Variants in C10orf143 observed in about 807,000 individuals in gnomAD.
The protein encoded by C10orf143 is uncharacterized protein C10orf143.
chr10:130,100,331 AC>A (rs1298555556), intron 1 of C10orf143, among the ~76,000 whole-genome samples: 2 of 151,650 alleles, frequency 1.3e-5, no homozygotes, highest in Non-Finnish European at 2.9e-5. Context: ...GGTGTTCAAG[AC>A]CAGCCTGGCC....
chr10:130,070,973 T>TG (rs1861023265), intron 3 of C10orf143, among the ~76,000 whole-genome samples: 1 of 152,216 alleles, frequency 6.6e-6, no homozygotes, highest in African/African-American at 2.4e-5. Context: ...TGGAGTGCAG[T>TG]GGTGGGATCT....
intron 3 of C10orf143, among the ~76,000 whole-genome samples, chr10:130,055,209 G>A (rs539300325): frequency 1.3e-5 from 2 of 152,268 alleles, no homozygotes; most frequent in South Asian, 4.1e-4. Context: ...TTGATTTCAT[G>A]GATATTACCC....
At chr10:130,094,519 T>C (rs1861433378) in intron 1 of C10orf143, among the ~76,000 whole-genome samples, 1 of 152,184 alleles carries the variant, frequency 6.6e-6, no homozygotes, top group Admixed American at 6.5e-5. Flanking sequence ...ATCAAAAAGC[T>C]TATCCACCAC....
In C10orf143 at chr10:130,083,167, A is replaced by T. The variant is rs142176685; in HGVS notation, c.70-3266T>A. Among the ~76,000 whole-genome samples the T allele has an allele frequency of 2.5e-3, 375 of 152,326 alleles. 7 individuals carry two copies. The highest frequency in any genetic ancestry group is 3.6e-3 in the Non-Finnish European group (244 of 68,030). ...AAAGCTATTAAAATGGTCCTCAAAC[A>T]TGAAAAAAAGTGTTCAAATGCACTC... On this transcript the variant is annotated intron_variant, in intron 1 of 3. Transcript: ENST00000637128.
At chr10:130,087,307 G>A (rs933038050) in intron 1 of C10orf143, among the ~76,000 whole-genome samples, 2 of 152,190 alleles carry the variant, frequency 1.3e-5, no homozygotes, top group African/African-American at 2.4e-5. Context: ...GGCAGATGAA[G>A]GCTTATGCCA....
intron 1 of C10orf143, among the ~76,000 whole-genome samples, chr10:130,109,016 C>A (rs1207790079): frequency 6.6e-6 from 1 of 152,196 alleles, no homozygotes; most frequent in African/African-American, 2.4e-5. Flanking sequence ...TCAACCCCTA[C>A]AACACCCTGG....
intron 1 of C10orf143, among the ~76,000 whole-genome samples, chr10:130,080,958 A>G (rs1590022299): frequency 6.6e-6 from 1 of 152,204 alleles, no homozygotes; most frequent in Non-Finnish European, 1.5e-5. Context: ...GAAAAAACTG[A>G]GAATCAGACA....
At chr10:130,070,405 T>C (rs1007908528) in intron 3 of C10orf143, among the ~76,000 whole-genome samples, 3 of 152,248 alleles carry the variant, frequency 2.0e-5, no homozygotes, top group Non-Finnish European at 4.4e-5. Context: ...CAAGCTCTTC[T>C]GGCATCTATT....
intron 3 of C10orf143, among the ~76,000 whole-genome samples, chr10:130,037,542 G>A (rs1860558547): frequency 1.3e-5 from 2 of 152,208 alleles, no homozygotes; most frequent in South Asian, 4.1e-4. Context: ...ACCGAGGGAG[G>A]TGCCACTGGC....
downstream of C10orf143, among the ~76,000 whole-genome samples, chr10:130,059,567 T>C (rs7083679): frequency 0.073 from 11,089 of 152,192 alleles, 567 homozygotes; most frequent in African/African-American, 0.14. Flanking sequence ...CTGGCATCAA[T>C]CAAAAGAGAA....
chr10:130,081,373 T>C lies in C10orf143; in HGVS notation c.70-1472A>G, dbSNP rs180981564. ...GCAAACACGGTTAGAAACATACTAATAACAGGAGGTTTCATACACCATTCT... is the reference window on the plus strand; with the variant it reads ...GCAAACACGGTTAGAAACATACTAACAACAGGAGGTTTCATACACCATTCT... On this transcript the variant is annotated intron_variant, in intron 1 of 3. Coordinates refer to ENST00000637128, the MANE Select transcript of C10orf143 (RefSeq NM_001355042.2). Among the ~76,000 whole-genome samples, 25 of 152,162 alleles carry C rather than the reference T, an allele frequency of 1.6e-4. No homozygotes were observed. In the East Asian group the frequency reaches 4.8e-3, roughly 29 times the overall value.
chr10:130,047,958 G>A (rs1159213356), intron 3 of C10orf143, among the ~76,000 whole-genome samples: 1 of 152,072 alleles, frequency 6.6e-6, no homozygotes, highest in Non-Finnish European at 1.5e-5. Flanking sequence ...GATAAAAATC[G>A]AGTGCTCCAG....
downstream of C10orf143, among the ~76,000 whole-genome samples, chr10:130,062,219 G>A (rs538010053): frequency 1.3e-5 from 2 of 152,246 alleles, no homozygotes; most frequent in South Asian, 4.2e-4. Flanking sequence ...TCACAGTCTG[G>A]AAAATCCAGC....
intron 3 of C10orf143, among the ~76,000 whole-genome samples, chr10:130,036,698 C>A (rs182552530): frequency 6.6e-6 from 1 of 152,160 alleles, no homozygotes; most frequent in East Asian, 1.9e-4. Flanking sequence ...TAGAAAGTGT[C>A]CAAGGTTCCC....
chr10:130,059,748 C>G (rs1466096608), downstream of C10orf143, among the ~76,000 whole-genome samples: 2 of 152,012 alleles, frequency 1.3e-5, no homozygotes, highest in African/African-American at 4.8e-5. Context: ...GAGAGAAGAT[C>G]CTTGCATAGA....
chr10:130,105,739 C>T (rs952767217), intron 1 of C10orf143, among the ~76,000 whole-genome samples: 2 of 152,058 alleles, frequency 1.3e-5, no homozygotes, highest in African/African-American at 2.4e-5. Context: ...CCCCTCCCCC[C>T]CCAAACAAAA....
At chr10:130,060,345 A>C (rs1860840279), downstream of C10orf143, among the ~76,000 whole-genome samples, 1 of 152,198 alleles carries the variant, frequency 6.6e-6, no homozygotes, top group Non-Finnish European at 1.5e-5. Flanking sequence ...GGATGTTTAG[A>C]CAGCAACTTC....
At chr10:130,081,738 A>T (rs1861213416) in intron 1 of C10orf143, among the ~76,000 whole-genome samples, 2 of 152,188 alleles carry the variant, frequency 1.3e-5, no homozygotes, top group South Asian at 4.2e-4. Context: ...AGAATTTAAA[A>T]AAAAATTACA....
At chr10:130,082,240 G>A (rs1861221820) in intron 1 of C10orf143, among the ~76,000 whole-genome samples, 1 of 151,752 alleles carries the variant, frequency 6.6e-6, no homozygotes, top group Non-Finnish European at 1.5e-5. Context: ...TCACACTCCT[G>A]GCCTCAAGCA....
Sources: allele counts gnomAD v4.1 joint callset (sites outside exome capture counted in the v4.1 genomes callset), GRCh38; gene constraint gnomAD v4.1.1; transcripts MANE v1.5; gene names NCBI Gene and HGNC (gene_info 2026-07-23, HGNC 2026-07-21).